The following OCA2 variants were observed in gnomAD, a reference collection of about 807,000 sequenced individuals.
The protein encoded by OCA2 is P protein.
A neutral mutation model predicts 100.2 loss-of-function variants in OCA2; 77 were observed. That is an observed-to-expected ratio of 0.77 (90% CI 0.64 to 0.93). The LOEUF (loss-of-function observed/expected upper bound fraction) is 0.93. Ranked by LOEUF, OCA2 falls within the 40% of genes least tolerant of loss-of-function variation. The pLI is 0.00. For synonymous variants in OCA2, 432 were observed against 439.2 expected (o/e 0.98, Z 0.21); for missense variants, 1,062 against 1,089.1 (o/e 0.98, Z 0.35).
chr15:27,831,284 C>CAAA (rs71132824), intron 23 of OCA2, among the ~76,000 whole-genome samples: 2,011 of 62,424 alleles, frequency 0.032, 160 homozygotes, highest in African/African-American at 0.063. Flanking sequence ...GACTCCGTCT[C>CAAA]AAAAAAAAAA....
chr15:27,957,842 C>A lies in OCA2; in HGVS notation c.1637-107G>T. ...ATGCCTGACAGAGCAGACACACACT[C>A]GAGACGTGCAGGTAGCCCAGGGTCA... On this transcript the variant is annotated intron_variant, in intron 15 of 23. Coordinates refer to ENST00000354638, the MANE Select transcript of OCA2 (RefSeq NM_000275.3). This position sits in a 1 kb window ranked among gnomAD's most constrained non-coding sequence, Gnocchi z 4.3. 1 of 1,370,014 alleles carries A rather than the reference C, an allele frequency of 7.3e-7. No individual in the cohort carries two copies. The highest frequency in any genetic ancestry group is 1.0e-6 in the Non-Finnish European group (1 of 978,802). 84.9% of individuals were successfully genotyped at this position (1,370,014 alleles called of 1,614,324 possible). A position where few individuals can be genotyped will look rare whatever the true frequency, so the allele number is the denominator to read the frequency against.
chr15:27,844,120 C>A (rs1020217604), intron 23 of OCA2, among the ~76,000 whole-genome samples: 2 of 152,216 alleles, frequency 1.3e-5, no homozygotes, highest in East Asian at 3.9e-4. Flanking sequence ...TACTCACACA[C>A]AGACGTGTCA....
At chr15:27,941,049 C>T (rs1389686458) in intron 18 of OCA2, among the ~76,000 whole-genome samples, 1 of 152,150 alleles carries the variant, frequency 6.6e-6, no homozygotes, top group Non-Finnish European at 1.5e-5. Context: ...ATCTCTTGGT[C>T]CCAATATTTC....
chr15:27,836,756 T>A (rs1051678193), intron 23 of OCA2, among the ~76,000 whole-genome samples: 15 of 152,246 alleles, frequency 9.9e-5, no homozygotes, highest in Admixed American at 2.6e-4. Context: ...ATGGTAATGA[T>A]CCCTTTGAAT....
intron 1 of OCA2, among the ~76,000 whole-genome samples, chr15:28,084,213 T>A (rs1459458355): frequency 1.3e-5 from 2 of 152,230 alleles, no homozygotes; most frequent in South Asian, 2.1e-4. Context: ...AATCTGTTGG[T>A]GCTGTGATCT....
At chr15:27,803,175 G>A (rs2033682930) in intron 23 of OCA2, among the ~76,000 whole-genome samples, 1 of 147,808 alleles carries the variant, frequency 6.8e-6, no homozygotes, top group Non-Finnish European at 1.5e-5. Flanking sequence ...TACTTAGCAG[G>A]AAACCCTAAG....
chr15:27,814,882 CTATA>C (rs1478044746), intron 23 of OCA2, among the ~76,000 whole-genome samples: 8 of 136,576 alleles, frequency 5.9e-5, no homozygotes, highest in Non-Finnish European at 1.6e-5. Flanking sequence ...GATTCTCTCT[CTATA>C]GATAGATAGA....
At chr15:27,789,392 C>T (rs770414394) in intron 23 of OCA2, among the ~76,000 whole-genome samples, 1 of 151,978 alleles carries the variant, frequency 6.6e-6, no homozygotes, top group African/African-American at 2.4e-5. Flanking sequence ...AAATGAAATT[C>T]TTTCTTGAGT....
intron 14 of OCA2, among the ~76,000 whole-genome samples, chr15:27,968,160 A>AC (rs1280615517): frequency 6.6e-6 from 1 of 152,258 alleles, no homozygotes; most frequent in East Asian, 1.9e-4. Flanking sequence ...TCTTTCACAG[A>AC]CCATGTGCTT....
At chr15:27,743,266 C>G in the OCA2 span, among the ~76,000 whole-genome samples, 1 of 152,174 alleles carries the variant, frequency 6.6e-6, no homozygotes, top group South Asian at 2.1e-4. Context: ...TGCACGGCCA[C>G]AAGTCTGTAA....
intron 21 of OCA2, among the ~76,000 whole-genome samples, chr15:27,860,475 C>G (rs1287487209): frequency 6.6e-6 from 1 of 152,158 alleles, no homozygotes; most frequent in Non-Finnish European, 1.5e-5. Flanking sequence ...TCTGAAAACG[C>G]CACTGTTTAT....
Position 28,065,432 on chromosome 15 carries a change from A to T in OCA2, c.227+16216T>A, listed in dbSNP as rs543702739. 2.0e-5 allele frequency among the ~76,000 whole-genome samples: 3 copies of T among 152,268 alleles called. No individual in the cohort carries two copies. In the South Asian group the frequency reaches 6.2e-4, roughly 32 times the overall value. On this transcript the variant is annotated intron_variant, in intron 2 of 23. Transcript: ENST00000354638. ...GTCAGACTCTCTGACAGTATCTTCA[A>T]GCAATGCCCATCACTTTTCCAGCTT...
chr15:27,794,966 G>C (rs531368597), intron 23 of OCA2, among the ~76,000 whole-genome samples: 1 of 152,296 alleles, frequency 6.6e-6, no homozygotes, highest in Non-Finnish European at 1.5e-5. Context: ...TCAGATGTCA[G>C]ATTTAAAAAG....
intron 23 of OCA2, among the ~76,000 whole-genome samples, chr15:27,844,120 C>CA (rs1432500745): frequency 6.6e-6 from 1 of 152,216 alleles, no homozygotes; most frequent in African/African-American, 2.4e-5. Context: ...TACTCACACA[C>CA]AGACGTGTCA....
At chr15:28,094,962 T>TC (rs1331422857) in intron 1 of OCA2, among the ~76,000 whole-genome samples, 1 of 152,222 alleles carries the variant, frequency 6.6e-6, no homozygotes, top group Admixed American at 6.5e-5. Flanking sequence ...GGGACGGCGT[T>TC]CCACGCCTGG....
downstream of OCA2, among the ~76,000 whole-genome samples, chr15:27,753,943 G>T (rs1355102826): frequency 6.6e-6 from 1 of 151,972 alleles, no homozygotes; most frequent in East Asian, 2.0e-4. Flanking sequence ...GCTGTCCCCA[G>T]CCATCCTGAT....
chr15:27,878,158 T>C lies in OCA2; in HGVS notation c.2080-6236A>G, dbSNP rs536492829. ...ACCTCTCCCCTTTCCTCTTATGGTA[T>C]AGTTGTCATACATATTACATCTATA... On this transcript the variant is annotated intron_variant, in intron 19 of 23. Coordinates refer to ENST00000354638, the MANE Select transcript of OCA2 (RefSeq NM_000275.3). 5.9e-5 allele frequency among the ~76,000 whole-genome samples: 9 copies of C among 152,210 alleles called. No individual in the cohort carries two copies. In the South Asian group the frequency reaches 1.9e-3, roughly 32 times the overall value.
intron 18 of OCA2, among the ~76,000 whole-genome samples, chr15:27,946,904 T>C (rs923167775): frequency 2.6e-5 from 4 of 152,218 alleles, no homozygotes; most frequent in Admixed American, 2.0e-4. Context: ...TGTTTGACTG[T>C]GGGTCCTACA....
intron 23 of OCA2, among the ~76,000 whole-genome samples, chr15:27,766,674 C>T (rs1399042290): frequency 1.3e-5 from 2 of 152,182 alleles, no homozygotes; most frequent in African/African-American, 4.8e-5. Context: ...GCTAGGTCCT[C>T]ACCACTCACT....
Sources: gnomAD v4.1 joint callset for allele counts (sites outside exome capture counted in the v4.1 genomes callset) on GRCh38, gnomAD v4.1.1 for gene constraint, Gnocchi (gnomAD v3.1) non-coding constraint, MANE v1.5 for transcripts, NCBI Gene and HGNC (gene_info 2026-07-23, HGNC 2026-07-21) for gene names.